SLFN12L: variants seen among roughly 807,000 people sequenced by gnomAD.
SLFN12L encodes the protein schlafen family member 12 like.
Under a neutral mutation model 34.8 loss-of-function variants are expected in SLFN12L, and 34 were observed. The ratio of observed to expected loss-of-function variants is 0.98; its 90% CI spans 0.74 to 1.30. The LOEUF (loss-of-function observed/expected upper bound fraction) is 1.30. SLFN12L is among the 50% of genes most tolerant of loss of function. The pLI is 0.00. For missense variants in SLFN12L, 703 were observed against 696.2 expected (o/e 1.01, Z -0.11); for synonymous variants, 259 against 247.5 (o/e 1.05, Z -0.44).
intron 1 of SLFN12L, among the ~76,000 whole-genome samples, chr17:35,526,774 C>T (rs1207921007): frequency 1.3e-5 from 2 of 152,016 alleles, no homozygotes; most frequent in African/African-American, 4.8e-5. Flanking sequence ...CTAAAATCGA[C>T]ACCCTAACAT....
At chr17:35,491,461 G>T (rs1228142936) in intron 2 of SLFN12L, among the ~76,000 whole-genome samples, 1 of 152,202 alleles carries the variant, frequency 6.6e-6, no homozygotes, top group Non-Finnish European at 1.5e-5. Context: ...GGAAAGCCCT[G>T]CTTTGCTACA....
rs982570000 is a variant in SLFN12L at position 35,465,076 on chromosome 17, C to CTA, written c.*9845_*9846dup. 1.6e-4 allele frequency among the ~76,000 whole-genome samples: 25 copies of CTA among 152,242 alleles called. No individual in the cohort carries two copies. The highest frequency in any genetic ancestry group is 6.0e-4 in the African/African-American group (25 of 41,554). ...ATTTTTTAGTAGAGATGAGGTTTCA[C>CTA]TATATGTTCGCCAGGCTGGTCTCGA... On this transcript the variant is annotated 3_prime_UTR_variant, in exon 5 of 5. Coordinates refer to ENST00000628453, the MANE Select transcript of SLFN12L (RefSeq NM_001363830.2).
At chr17:35,520,051 C>A (rs1037906246) in intron 2 of SLFN12L, among the ~76,000 whole-genome samples, 1 of 152,118 alleles carries the variant, frequency 6.6e-6, no homozygotes, top group Non-Finnish European at 1.5e-5. Flanking sequence ...GTAAATAGGA[C>A]CTAAAGCCTT....
At chr17:35,490,053 C>G (rs1260718672) in intron 2 of SLFN12L, 5 of 1,605,402 alleles carry the variant, frequency 3.1e-6, no homozygotes, top group Non-Finnish European at 4.3e-6. Flanking sequence ...TGTTCCCTCT[C>G]CCTCCAAAGC....
intron 2 of SLFN12L, among the ~76,000 whole-genome samples, chr17:35,506,543 C>T (rs1915470144): frequency 6.6e-6 from 1 of 152,120 alleles, no homozygotes; most frequent in African/African-American, 2.4e-5. Flanking sequence ...GGACTGGATC[C>T]TCGAGTAAAT....
intron 2 of SLFN12L, among the ~76,000 whole-genome samples, chr17:35,511,604 C>CACAG (rs1276486843): frequency 6.6e-6 from 1 of 151,604 alleles, no homozygotes; most frequent in African/African-American, 2.4e-5. Context: ...CACACACACA[C>CACAG]ACACACAGAG....
rs926648586 is a variant in SLFN12L, at chr17:35,468,605, T to C, written c.*6318A>G. ...TCAGGGATTCTATTGTGTTTCTGAG[T>C]GTGCTGTCTGCTTAGCCTATCATCC... On this transcript the variant is annotated 3_prime_UTR_variant, in exon 5 of 5. Transcript: ENST00000628453. 6.6e-6 allele frequency among the ~76,000 whole-genome samples: 1 copy of C among 152,190 alleles called. No homozygotes were observed. The highest frequency in any genetic ancestry group is 1.5e-5 in the Non-Finnish European group (1 of 68,038).
chr17:35,475,610 GT>G, intron 4 of SLFN12L, 125 bp from the exon 5 acceptor site: 1 of 1,395,270 alleles, frequency 7.2e-7, no homozygotes, highest in East Asian at 2.5e-5. Context: ...ATGTAAAAGT[GT>G]ATCAGGGCCA....
At chr17:35,526,614 T>C (rs2072337758) in intron 1 of SLFN12L, among the ~76,000 whole-genome samples, 1 of 151,886 alleles carries the variant, frequency 6.6e-6, no homozygotes, top group Non-Finnish European at 1.5e-5. Flanking sequence ...GACTACCAGG[T>C]AAATAACGAA....
intron 2 of SLFN12L, among the ~76,000 whole-genome samples, chr17:35,495,734 C>T (rs1369808519): frequency 2.0e-5 from 3 of 150,282 alleles, no homozygotes; most frequent in Non-Finnish European, 4.4e-5. Context: ...GCCCACTCGA[C>T]CCTTTTCGGG....
rs913102642 is a variant in SLFN12L, at chr17:35,467,280, C to T, written c.*7643G>A. ...TATTACCGAATGCTGGATGCCCTGG[C>T]CAACAAATGGCCCCATCTCCATATT... On this transcript the variant is annotated 3_prime_UTR_variant, in exon 5 of 5. Transcript: ENST00000628453. 1.2e-4 allele frequency among the ~76,000 whole-genome samples: 19 copies of T among 152,204 alleles called. No individual in the cohort carries two copies. Among genetic ancestry groups the T allele is most frequent in the African/African-American group, 4.1e-4 (17 of 41,440 alleles).
At chr17:35,498,594 T>C (rs755381540) in intron 2 of SLFN12L, 104 of 1,596,156 alleles carry the variant, frequency 6.5e-5, no homozygotes, top group Non-Finnish European at 8.3e-5. Flanking sequence ...CCATGGAATG[T>C]TTCTGCAGAA....
rs1567694515 is a variant in SLFN12L at position 35,530,506 on chromosome 17, A to AAG, written c.-606+7065_-606+7066dup. Reference sequence around the variant, plus strand: ...AAAGAAAGAAAGAAAGAAAGAAAGAAAGAAAGAAAAGAAAAGAAAAGAAAA... The same window carrying AAG: ...AAAGAAAGAAAGAAAGAAAGAAAGAAAGAGAAAGAAAAGAAAAGAAAAGAAAA... On this transcript the variant is annotated intron_variant, in intron 1 of 4. Transcript: ENST00000628453. Among the ~76,000 whole-genome samples, 25 of 30,654 alleles carry AAG rather than the reference A, an allele frequency of 8.2e-4. 1 individual carries two copies. Among genetic ancestry groups the AAG allele is most frequent in the African/African-American group, 2.2e-3 (24 of 11,000 alleles). The allele number at this position is 30,654 out of a possible 152,430, so 20.1% of individuals were successfully genotyped here.
intron 1 of SLFN12L, among the ~76,000 whole-genome samples, chr17:35,523,405 G>A (rs984474503): frequency 9.2e-5 from 14 of 152,174 alleles, no homozygotes; most frequent in African/African-American, 3.4e-4. Context: ...CAGGAAGAAG[G>A]TACTCATTAG....
At position 35,464,851 on chromosome 17, in the gene SLFN12L, A is replaced by C. The variant is rs947901848; in HGVS notation, c.*10072T>G. Among the ~76,000 whole-genome samples the C allele has an allele frequency of 6.6e-6, 1 of 152,102 alleles. No homozygotes were observed. The highest frequency in any genetic ancestry group is 2.4e-5 in the African/African-American group (1 of 41,396). ...TAGCTAAGGTCGTGATTGGGTTTAG[A>C]ACTGTAAGGTTTTTTGTTTTCTGTT... On this transcript the variant is annotated 3_prime_UTR_variant, in exon 5 of 5. Transcript: ENST00000628453.
At chr17:35,502,797 G>A (rs2142152030) in intron 2 of SLFN12L, among the ~76,000 whole-genome samples, 1 of 152,294 alleles carries the variant, frequency 6.6e-6, no homozygotes, top group East Asian at 1.9e-4. Flanking sequence ...AGACATAAAG[G>A]AAGTTTGCTT....
At chr17:35,516,054 A>G (rs1476397091) in intron 2 of SLFN12L, among the ~76,000 whole-genome samples, 1 of 152,178 alleles carries the variant, frequency 6.6e-6, no homozygotes, top group Non-Finnish European at 1.5e-5. Flanking sequence ...ATAAACACTT[A>G]GTAACATCTT....
rs991410881 is a variant in SLFN12L at position 35,522,823 on chromosome 17, G to A, written c.-459C>T. The A allele has an allele frequency of 7.3e-7, 1 of 1,374,386 alleles. No individual in the cohort carries two copies. Among genetic ancestry groups the A allele is most frequent in the African/African-American group, 1.4e-5 (1 of 69,908 alleles). The allele number at this position is 1,374,386 out of a possible 1,614,324, so 85.1% of individuals were successfully genotyped here. Reference sequence around the variant, plus strand: ...ACTCCTGGCTTCTCCTGCAAATTCAGGTCCACAGCCTAGCTTCTAGAGAGG... The same window carrying A: ...ACTCCTGGCTTCTCCTGCAAATTCAAGTCCACAGCCTAGCTTCTAGAGAGG... On this transcript the variant is annotated 5_prime_UTR_variant, in exon 2 of 5. Coordinates refer to ENST00000628453, the MANE Select transcript of SLFN12L (RefSeq NM_001363830.2).
At position 35,464,317 on chromosome 17, in the gene SLFN12L, C is replaced by G. The variant is rs1913687801; in HGVS notation, c.*10606G>C. 3 of 152,156 alleles carry G rather than the reference C, an allele frequency of 2.0e-5. No individual in the cohort carries two copies. Among genetic ancestry groups the G allele is most frequent in the Admixed American group, 1.3e-4 (2 of 15,270 alleles). 9.4% of individuals were successfully genotyped at this position (152,156 alleles called of 1,614,324 possible). On this transcript the variant is annotated 3_prime_UTR_variant, in exon 5 of 5. Transcript: ENST00000628453. Reference sequence around the variant, plus strand: ...GGGGCGCATGTGAAGGCTCATTACACAGGTAAACATGTGTCATGGGGTTTT... The same window carrying G: ...GGGGCGCATGTGAAGGCTCATTACAGAGGTAAACATGTGTCATGGGGTTTT...
Sources: allele counts gnomAD v4.1 joint callset (sites outside exome capture counted in the v4.1 genomes callset), GRCh38; gene constraint gnomAD v4.1.1; transcripts MANE v1.5; gene names NCBI Gene and HGNC (gene_info 2026-07-23, HGNC 2026-07-21).